Variants in PCDHGA3 observed in about 807,000 individuals in gnomAD.
The protein encoded by PCDHGA3 is protocadherin gamma-A3.
PCDHGA3 carries 40 observed loss-of-function variants against 58.5 expected under a neutral mutation model. The observed-to-expected ratio is 0.68, with a 90% CI of 0.53 to 0.89. The LOEUF (loss-of-function observed/expected upper bound fraction) is 0.89, where lower values mean the gene tolerates loss of function less well. Among genes scored for constraint, PCDHGA3 ranks in the 40% least tolerant of loss-of-function variants. The probability of loss-of-function intolerance (pLI) is 0.00; values close to 1 mark genes in which losing one functional copy is unlikely to be tolerated. For missense variants in PCDHGA3, 1,223 were observed against 1,195.9 expected (o/e 1.02, Z -0.33); for synonymous variants, 530 against 525.7 (o/e 1.01, Z -0.11).
Position 141,477,187 on chromosome 5 carries a change from G to A in PCDHGA3, c.2425-17620G>A, listed in dbSNP as rs2154575648. ...CCCCGGAGATCACAGTCACCTCCGT[G>A]TACAGCCCAGTACCCGAGGATGCCC... On this transcript the variant is annotated intron_variant, in intron 1 of 3. Coordinates refer to ENST00000253812, the MANE Select transcript of PCDHGA3 (RefSeq NM_018916.4). The surrounding 1 kb of genome is among the most constrained non-coding windows in gnomAD (Gnocchi z 4.9). The A allele has an allele frequency of 6.2e-7, 1 of 1,614,190 alleles. No individual in the cohort carries two copies. The highest frequency in any genetic ancestry group is 2.2e-5 in the East Asian group (1 of 44,874).
At chr5:141,450,599 G>T (rs569531886) in intron 1 of PCDHGA3, among the ~76,000 whole-genome samples, 11 of 150,286 alleles carry the variant, frequency 7.3e-5, no homozygotes, top group African/African-American at 2.7e-4. Flanking sequence ...CAATTCTCCT[G>T]CCTCAGCCTC....
At chr5:141,419,897 A>C in intron 1 of PCDHGA3, 1 of 1,613,960 alleles carries the variant, frequency 6.2e-7, no homozygotes, top group Non-Finnish European at 8.5e-7. Context: ...CGACCATCCC[A>C]CACCCTCTGA....
At chr5:141,372,841 T>C (rs887025706) in intron 1 of PCDHGA3, 1 of 1,514,832 alleles carries the variant, frequency 6.6e-7, no homozygotes. Flanking sequence ...CTTCCATAAA[T>C]ATAATTGGGT....
At chr5:141,422,966 C>A (rs762530904) in intron 1 of PCDHGA3, 1 of 1,614,112 alleles carries the variant, frequency 6.2e-7, no homozygotes, top group Admixed American at 1.7e-5. Flanking sequence ...GAGCTGGCGC[C>A]CCGCTCTGCG....
rs150897033 is a variant in PCDHGA3, at chr5:141,453,434, G to C, written c.2425-41373G>C. Among the ~76,000 whole-genome samples the C allele has an allele frequency of 3.9e-3, 592 of 151,994 alleles. 6 individuals are homozygous for C. The highest frequency in any genetic ancestry group is 0.011 in the Admixed American group (171 of 15,256). On this transcript the variant is annotated intron_variant, in intron 1 of 3. Coordinates refer to ENST00000253812, the MANE Select transcript of PCDHGA3 (RefSeq NM_018916.4). Reference sequence around the variant, plus strand: ...GGCATAAGCCACCACACCTAGCCTAGTATTCTTTTTTGAATATGTAAAACA... The same window carrying C: ...GGCATAAGCCACCACACCTAGCCTACTATTCTTTTTTGAATATGTAAAACA...
chr5:141,350,146 C>T lies in PCDHGA3; in HGVS notation c.2424+3689C>T, dbSNP rs1196056385. Reference sequence around the variant, plus strand: ...ACTGAGCACAGACGCTGCTCCTGTTCACCCTCGAGCGCCTAACTAATAAGT... The same window carrying T: ...ACTGAGCACAGACGCTGCTCCTGTTTACCCTCGAGCGCCTAACTAATAAGT... On this transcript the variant is annotated intron_variant, in intron 1 of 3. Transcript: ENST00000253812. The T allele has an allele frequency of 3.4e-6, 3 of 877,570 alleles. No homozygotes were observed. The East Asian group carries it at 8.6e-5, about 25-fold the overall frequency. 54.4% of individuals were successfully genotyped at this position (877,570 alleles called of 1,614,324 possible).
In PCDHGA3 at chr5:141,408,231, G is replaced by A. The variant is rs775180708; in HGVS notation, c.2424+61774G>A. On this transcript the variant is annotated intron_variant, in intron 1 of 3. Coordinates refer to ENST00000253812, the MANE Select transcript of PCDHGA3 (RefSeq NM_018916.4). ...GGAGGGAGCTGCGCGCAGAGGCGCC[G>A]GGCCGGCCCGCGGCAGGTGCTATTT... 5 of 1,567,976 alleles carry A rather than the reference G, an allele frequency of 3.2e-6. No individual in the cohort carries two copies. In the African/African-American group the frequency reaches 5.4e-5, roughly 17 times the overall value.
In PCDHGA3 at chr5:141,398,901, C is replaced by CACCA. The variant is rs763382637; in HGVS notation, c.2424+52445_2424+52448dup. ...GCCTTCGGGAAAACGTGCCACCAGG[C>CACCA]ACCACTGTGTTGCAAGTGTCAGCCA... On this transcript the variant is annotated intron_variant, in intron 1 of 3. Coordinates refer to ENST00000253812, the MANE Select transcript of PCDHGA3 (RefSeq NM_018916.4). 3.7e-6 allele frequency: 6 copies of CACCA among 1,613,954 alleles called. No homozygotes were observed. The South Asian group carries it at 6.6e-5, about 18-fold the overall frequency.
rs2099883775 is a variant in PCDHGA3 at position 141,511,415 on chromosome 5, A to G, written c.*242A>G. On this transcript the variant is annotated 3_prime_UTR_variant, in exon 4 of 4. Transcript: ENST00000253812. ...CCCCATCCAATCAACTGCTGTACCC[A>G]TGGGGGTAGTGGGGTTACTGTAGAC... 1.2e-6 allele frequency: 1 copy of G among 868,992 alleles called. No individual in the cohort carries two copies. The highest frequency in any genetic ancestry group is 2.9e-5 in the East Asian group (1 of 34,592). The allele number at this position is 868,992 out of a possible 1,614,324, so 53.8% of individuals were successfully genotyped here.
At chr5:141,414,242 T>TA in intron 1 of PCDHGA3, 2 of 1,613,538 alleles carry the variant, frequency 1.2e-6, no homozygotes, top group Non-Finnish European at 1.7e-6. Context: ...ATCACGTCTC[T>TA]ATTTAGTCCA....
At chr5:141,501,036 T>C (rs893597004) in intron 2 of PCDHGA3, among the ~76,000 whole-genome samples, 4 of 151,702 alleles carry the variant, frequency 2.6e-5, no homozygotes, top group Non-Finnish European at 4.4e-5. Flanking sequence ...GCCCAGCTAA[T>C]TTTTGTATTT....
At chr5:141,379,879 G>A (rs1158947637) in intron 1 of PCDHGA3, among the ~76,000 whole-genome samples, 1 of 102,124 alleles carries the variant, frequency 9.8e-6, no homozygotes, top group African/African-American at 3.5e-5. Context: ...TTTATGGTCT[G>A]TGAAAGCCTC....
At chr5:141,408,885 T>G in intron 1 of PCDHGA3, 1 of 1,613,020 alleles carries the variant, frequency 6.2e-7, no homozygotes, top group Middle Eastern at 1.6e-4. Context: ...ACCGCTCACA[T>G]AGAAATTTCT....
chr5:141,487,688 G>T lies in PCDHGA3; in HGVS notation c.2425-7119G>T, dbSNP rs376927186. ...AGGCATATGGCTAGGCCATGTCCTAGAGAGTACTGGCCTCTCAGTAAGTGC... is the reference window on the plus strand; with the variant it reads ...AGGCATATGGCTAGGCCATGTCCTATAGAGTACTGGCCTCTCAGTAAGTGC... On this transcript the variant is annotated intron_variant, in intron 1 of 3. Coordinates refer to ENST00000253812, the MANE Select transcript of PCDHGA3 (RefSeq NM_018916.4). The surrounding 1 kb of genome is among the most constrained non-coding windows in gnomAD (Gnocchi z 5.0). 1.2e-6 allele frequency: 2 copies of T among 1,604,966 alleles called. No individual in the cohort carries two copies.
At position 141,511,271 on chromosome 5, in the gene PCDHGA3, C is replaced by T. The variant is rs371445452; in HGVS notation, c.*98C>T. ...GCCTCAGAGTTTCAGGGCTAACCCC[C>T]AGAATACTGGTAGGGGCCAAGGCCA... On this transcript the variant is annotated 3_prime_UTR_variant, in exon 4 of 4. Transcript: ENST00000253812. 9.1e-6 allele frequency: 14 copies of T among 1,544,094 alleles called. No individual in the cohort carries two copies. In the African/African-American group the frequency reaches 1.6e-4, roughly 18 times the overall value.
rs1762616469 is a variant in PCDHGA3 at position 141,362,659 on chromosome 5, C to T, written c.2424+16202C>T. ...TCTTTGTCTGTGAGTTAGATTTGGC[C>T]AATGTTGTGCCTTAATTGTCTTAAT... On this transcript the variant is annotated intron_variant, in intron 1 of 3. Transcript: ENST00000253812. 3.0e-6 allele frequency: 4 copies of T among 1,352,230 alleles called. No individual in the cohort carries two copies. In the African/African-American group the frequency reaches 4.4e-5, roughly 15 times the overall value. The allele number at this position is 1,352,230 out of a possible 1,614,324, so 83.8% of individuals were successfully genotyped here. A position where few individuals can be genotyped will look rare whatever the true frequency, so the allele number is the denominator to read the frequency against.
Position 141,409,903 on chromosome 5 carries a change from G to C in PCDHGA3, c.2424+63446G>C, listed in dbSNP as rs570063514. 6.2e-6 allele frequency: 10 copies of C among 1,613,268 alleles called. No individual in the cohort carries two copies. The South Asian group carries it at 9.9e-5, about 16-fold the overall frequency. ...CACCGCGGGTGCTGTACCCAGCTCTGGGTCCTGACGGCTCCGCGTTCTTCG... is the reference window on the plus strand; with the variant it reads ...CACCGCGGGTGCTGTACCCAGCTCTCGGTCCTGACGGCTCCGCGTTCTTCG... On this transcript the variant is annotated intron_variant, in intron 1 of 3. Coordinates refer to ENST00000253812, the MANE Select transcript of PCDHGA3 (RefSeq NM_018916.4).
At chr5:141,376,287 T>A in intron 1 of PCDHGA3, 1 of 1,614,228 alleles carries the variant, frequency 6.2e-7, no homozygotes, top group Non-Finnish European at 8.5e-7. Flanking sequence ...TTAGCGAGCA[T>A]GCCCGGCTCG....
chr5:141,420,974 T>C, intron 1 of PCDHGA3: 1 of 460,696 alleles, frequency 2.2e-6, no homozygotes, highest in Non-Finnish European at 3.8e-6. Flanking sequence ...ATAATAAGAA[T>C]GGGCTCTAGG....
Sources: gnomAD v4.1 joint callset for allele counts (sites outside exome capture counted in the v4.1 genomes callset) on GRCh38, gnomAD v4.1.1 for gene constraint, Gnocchi (gnomAD v3.1) non-coding constraint, MANE v1.5 for transcripts, NCBI Gene and HGNC (gene_info 2026-07-23, HGNC 2026-07-21) for gene names.